The following ARHGDIB variants were observed in gnomAD, a reference collection of about 807,000 sequenced individuals.
The protein encoded by ARHGDIB is rho GDP-dissociation inhibitor 2.
In ARHGDIB, 20 loss-of-function variants were observed where a neutral mutation model predicts 22.6. The observed-to-expected ratio is 0.88, with a 90% CI of 0.62 to 1.28. The LOEUF (loss-of-function observed/expected upper bound fraction) is 1.28, where lower values mean the gene tolerates loss of function less well. ARHGDIB is among the 50% of genes most tolerant of loss of function. The pLI is 0.00. For missense variants in ARHGDIB, 254 were observed against 245.4 expected, an observed-to-expected ratio of 1.04 and a Z score of -0.23; for synonymous variants, 114 against 96.1, an observed-to-expected ratio of 1.19 and a Z score of -1.09.
In ARHGDIB at chr12:14,942,392, G is replaced by A. The variant is rs1346481632; in HGVS notation, c.*130C>T. On this transcript the variant is annotated 3_prime_UTR_variant, in exon 6 of 6. Transcript: ENST00000228945. ...CACGTTGAGTGACAGGGTGGGAAAA[G>A]ATGCATCAATAAGGAAATGTGGCAG... 3 of 1,008,048 alleles carry A rather than the reference G, an allele frequency of 3.0e-6. No individual in the cohort carries two copies. Among genetic ancestry groups the A allele is most frequent in the Non-Finnish European group, 4.5e-6 (3 of 669,176 alleles). 62.4% of individuals were successfully genotyped at this position (1,008,048 alleles called of 1,614,324 possible). A position where few individuals can be genotyped will look rare whatever the true frequency, so the allele number is the denominator to read the frequency against.
intron 1 of ARHGDIB, among the ~76,000 whole-genome samples, chr12:14,953,771 CAG>C (rs1475576406): frequency 6.6e-6 from 1 of 151,988 alleles, no homozygotes; most frequent in Non-Finnish European, 1.5e-5. Flanking sequence ...AAGCATGAAG[CAG>C]AGAGTGGAGT....
intron 2 of ARHGDIB, 21 bp from the exon 3 acceptor site, chr12:14,949,906 G>A: frequency 6.2e-7 from 1 of 1,608,798 alleles, no homozygotes; most frequent in Middle Eastern, 1.7e-4. Flanking sequence ...GAAAGGGAAT[G>A]TAAGTACCAA....
intron 3 of ARHGDIB, chr12:14,949,029 T>C (rs1864100435): frequency 6.6e-6 from 1 of 152,304 alleles, no homozygotes; most frequent in African/African-American, 2.4e-5. Context: ...TGCTGCTAAC[T>C]AAGCCAACTG....
chr12:14,952,927 T>C (rs1292421365), intron 1 of ARHGDIB, among the ~76,000 whole-genome samples: 3 of 152,052 alleles, frequency 2.0e-5, no homozygotes, highest in Middle Eastern at 3.2e-3. Context: ...CTCCAGGAAA[T>C]TGCAACTATG....
At chr12:14,956,261 T>G (rs1592295412) in intron 1 of ARHGDIB, 1 of 152,332 alleles carries the variant, frequency 6.6e-6, no homozygotes, top group East Asian at 1.9e-4. Flanking sequence ...CAGATAACGA[T>G]GTTTCAGCGC....
In ARHGDIB at chr12:14,950,692, C is replaced by T. The variant is rs753254738; in HGVS notation, c.21G>A (p.Glu7=). The change falls in exon 2 of 6, where the codon GAG becomes GAA. Residue 7 remains glutamate (E), a synonymous_variant. Transcript: ENST00000228945. Reference sequence around the variant, plus strand: ...CATCGTCATCCTCCTCCACATGTGGCTCTGGGGCTTTTTCAGTCATTCTGA... The same window carrying T: ...CATCGTCATCCTCCTCCACATGTGGTTCTGGGGCTTTTTCAGTCATTCTGA... MTEKAP[E]PHVEEDDDDE... The T allele has an allele frequency of 8.7e-6, 14 of 1,608,982 alleles. No individual in the cohort carries two copies. The highest frequency in any genetic ancestry group is 1.7e-5 in the Admixed American group (1 of 58,826).
intron 3 of ARHGDIB, among the ~76,000 whole-genome samples, 194 bp downstream of exon 3, chr12:14,949,608 A>G (rs1864118833): frequency 6.6e-6 from 1 of 152,224 alleles, no homozygotes. Flanking sequence ...CTTCAATTAA[A>G]TAGAGATAAA....
intron 1 of ARHGDIB, among the ~76,000 whole-genome samples, chr12:14,958,413 A>G (rs952345639): frequency 6.6e-6 from 1 of 152,226 alleles, no homozygotes; most frequent in African/African-American, 2.4e-5. Context: ...ACAAATTACT[A>G]GAAACGTAAT....
intron 1 of ARHGDIB, among the ~76,000 whole-genome samples, chr12:14,952,622 T>G (rs1864204641): frequency 1.3e-5 from 2 of 151,678 alleles, no homozygotes; most frequent in South Asian, 4.2e-4. Flanking sequence ...TTGTAGGTTG[T>G]GGGAAATTTA....
Position 14,942,246 on chromosome 12 carries a change from A to G in ARHGDIB, c.*276T>C. On this transcript the variant is annotated 3_prime_UTR_variant, in exon 6 of 6. Transcript: ENST00000228945. Reference sequence around the variant, plus strand: ...GCCTCTAGTTGCTTGAATAGGGGTAAGACAGGGAAATATTAAATGATTGTG... The same window carrying G: ...GCCTCTAGTTGCTTGAATAGGGGTAGGACAGGGAAATATTAAATGATTGTG... 2.3e-6 allele frequency: 1 copy of G among 436,072 alleles called. No homozygotes were observed. The highest frequency in any genetic ancestry group is 4.2e-6 in the Non-Finnish European group (1 of 235,664). The allele number at this position is 436,072 out of a possible 1,614,324, so 27.0% of individuals were successfully genotyped here. A position where few individuals can be genotyped will look rare whatever the true frequency, so the allele number is the denominator to read the frequency against.
At chr12:14,942,753 A>G in intron 5 of ARHGDIB, 32 bp from the exon 6 acceptor site, 10 of 1,596,668 alleles carry the variant, frequency 6.3e-6, no homozygotes, top group Non-Finnish European at 8.6e-6. Context: ...TTAGGGTAAG[A>G]GCCTGATAGA....
At chr12:14,945,043 A>G (rs1199872711) in intron 4 of ARHGDIB, among the ~76,000 whole-genome samples, 1 of 152,220 alleles carries the variant, frequency 6.6e-6, no homozygotes, top group Non-Finnish European at 1.5e-5. Flanking sequence ...ACATTGCCAA[A>G]CTGGTTTAAT....
Position 14,950,727 on chromosome 12 carries a change from G to C in ARHGDIB, c.-12-3C>G. 3 of 1,587,436 alleles carry C rather than the reference G, an allele frequency of 1.9e-6. No individual in the cohort carries two copies. Among genetic ancestry groups the C allele is most frequent in the Admixed American group, 1.8e-5 (1 of 54,430 alleles). On this transcript the variant is annotated splice_region_variant and splice_polypyrimidine_tract_variant and intron_variant, in intron 1 of 5. Coordinates refer to ENST00000228945, the MANE Select transcript of ARHGDIB (RefSeq NM_001175.7). ...TTTTCAGTCATTCTGATCTATTTCT[G>C]GGAGACAGAATGACAGCCCGTTAGT... is the stretch of plus-strand genomic sequence containing the variant.
chr12:14,943,939 C>T (rs1863944640), intron 5 of ARHGDIB, among the ~76,000 whole-genome samples: 1 of 152,134 alleles, frequency 6.6e-6, no homozygotes, highest in East Asian at 1.9e-4. Flanking sequence ...GACTAGGTAT[C>T]GGAAAGGCCA....
chr12:14,953,315 C>T (rs1351774942), intron 1 of ARHGDIB, among the ~76,000 whole-genome samples: 2 of 152,026 alleles, frequency 1.3e-5, no homozygotes, highest in African/African-American at 2.4e-5. Flanking sequence ...CCAGGTGATC[C>T]CAAACTAGCT....
chr12:14,953,560 G>A (rs911927100), intron 1 of ARHGDIB, among the ~76,000 whole-genome samples: 8 of 151,824 alleles, frequency 5.3e-5, no homozygotes, highest in Non-Finnish European at 1.2e-4. Context: ...TGGTTTGGTT[G>A]ATTTCTTATT....
chr12:14,952,991 G>C (rs908010240), intron 1 of ARHGDIB, among the ~76,000 whole-genome samples: 2 of 152,268 alleles, frequency 1.3e-5, no homozygotes, highest in Non-Finnish European at 2.9e-5. Flanking sequence ...GAAAGAGAGC[G>C]AGAGAGGGAT....
At chr12:14,943,402 TTG>T (rs1389538214) in intron 5 of ARHGDIB, among the ~76,000 whole-genome samples, 396 of 71,880 alleles carry the variant, frequency 5.5e-3, no homozygotes, top group African/African-American at 8.9e-3. Flanking sequence ...GTTGTTGTTG[TTG>T]TTTTTTTTAT....
chr12:14,961,164 T>A (rs1339681661), intron 1 of ARHGDIB: 2 of 152,438 alleles, frequency 1.3e-5, no homozygotes, highest in Non-Finnish European at 2.9e-5. Context: ...CGTATCATTT[T>A]GGATCTACAG....
Sources: allele counts gnomAD v4.1 joint callset (sites outside exome capture counted in the v4.1 genomes callset), GRCh38; gene constraint gnomAD v4.1.1; transcripts MANE v1.5; gene names NCBI Gene and HGNC (gene_info 2026-07-23, HGNC 2026-07-21).